The following ZDHHC21 variants were observed in gnomAD, a reference collection of about 807,000 sequenced individuals.
ZDHHC21 encodes palmitoyltransferase ZDHHC21.
Under a neutral mutation model 34.6 loss-of-function variants are expected in ZDHHC21, and 15 were observed. That is an observed-to-expected ratio of 0.43 (90% CI 0.29 to 0.67). The LOEUF is 0.67. Among genes scored for constraint, ZDHHC21 ranks in the 30% least tolerant of loss-of-function variants. ZDHHC21 has a pLI of 0.14. For missense variants in ZDHHC21, 344 were observed against 327.7 expected (o/e 1.05, Z -0.38); for synonymous variants, 142 against 101.8 (o/e 1.40, Z -2.38).
At chr9:14,604,726 TC>T in the ZDHHC21 span, among the ~76,000 whole-genome samples, 2 of 152,196 alleles carry the variant, frequency 1.3e-5, no homozygotes, top group Non-Finnish European at 2.9e-5. Context: ...ATGAGATCAA[TC>T]CTCTTAGTAA....
At chr9:14,662,949 G>A (rs866943778) in intron 5 of ZDHHC21, among the ~76,000 whole-genome samples, 2 of 152,140 alleles carry the variant, frequency 1.3e-5, no homozygotes, top group Non-Finnish European at 1.5e-5. Context: ...AGTGAAAAAT[G>A]TTATAAGACA....
chr9:14,657,474 A>C (rs1426372847), intron 7 of ZDHHC21, among the ~76,000 whole-genome samples: 2 of 150,368 alleles, frequency 1.3e-5, no homozygotes, highest in Non-Finnish European at 1.5e-5. Context: ...CTGTTTACAA[A>C]GACAAGATCT....
chr9:14,596,003 A>C, the ZDHHC21 span, among the ~76,000 whole-genome samples: 2 of 152,224 alleles, frequency 1.3e-5, no homozygotes, highest in African/African-American at 2.4e-5. Flanking sequence ...TGATCATGAA[A>C]AATTTGGTAG....
chr9:14,631,275 C>G (rs1415604133), intron 8 of ZDHHC21, among the ~76,000 whole-genome samples: 1 of 152,210 alleles, frequency 6.6e-6, no homozygotes, highest in Non-Finnish European at 1.5e-5. Flanking sequence ...GAAATGCCTT[C>G]TTTCCTTAAG....
chr9:14,663,814 A>T (rs1009228653), intron 5 of ZDHHC21, among the ~76,000 whole-genome samples: 1 of 152,254 alleles, frequency 6.6e-6, no homozygotes, highest in African/African-American at 2.4e-5. Flanking sequence ...AATGAAAATA[A>T]ATCATGCAAG....
At chr9:14,610,346 G>C (rs1008201562), downstream of ZDHHC21, among the ~76,000 whole-genome samples, 1 of 151,856 alleles carries the variant, frequency 6.6e-6, no homozygotes, top group African/African-American at 2.4e-5. Flanking sequence ...CAAGATTAAA[G>C]ATTTATAATC....
At chr9:14,651,389 T>C (rs974364323) in intron 7 of ZDHHC21, among the ~76,000 whole-genome samples, 5 of 151,878 alleles carry the variant, frequency 3.3e-5, no homozygotes, top group Non-Finnish European at 7.4e-5. Context: ...GGAGTTTGAA[T>C]AGGATTTAGT....
chr9:14,591,433 C>T, the ZDHHC21 span, among the ~76,000 whole-genome samples: 932 of 152,236 alleles, frequency 6.1e-3, 11 homozygotes, highest in African/African-American at 0.02. Context: ...ACTGAATCTG[C>T]TGGAGCCTTG....
chr9:14,647,596 T>C (rs904244905), intron 7 of ZDHHC21, among the ~76,000 whole-genome samples: 20 of 152,234 alleles, frequency 1.3e-4, no homozygotes, highest in Middle Eastern at 3.4e-3. Flanking sequence ...CCAACCACCA[T>C]GTCATTGGCT....
intron 3 of ZDHHC21, among the ~76,000 whole-genome samples, chr9:14,678,018 C>T (rs968267661): frequency 1.3e-5 from 2 of 152,166 alleles, no homozygotes; most frequent in Admixed American, 6.6e-5. Flanking sequence ...TTAGCCTAAG[C>T]GGTCCTGTTT....
the ZDHHC21 span, among the ~76,000 whole-genome samples, chr9:14,600,834 A>G: frequency 6.6e-6 from 1 of 152,248 alleles, no homozygotes; most frequent in Non-Finnish European, 1.5e-5. Flanking sequence ...CAGAGGCCTC[A>G]GAAACAACGC....
chr9:14,622,605 G>C (rs1234570948), intron 8 of ZDHHC21: 1 of 984,684 alleles, frequency 1.0e-6, no homozygotes, highest in African/African-American at 1.7e-5. Flanking sequence ...AACTCATCCT[G>C]TTTTGAGTTC....
intron 8 of ZDHHC21, among the ~76,000 whole-genome samples, chr9:14,629,509 A>C (rs184709469): frequency 4.5e-4 from 68 of 152,180 alleles, no homozygotes; most frequent in Non-Finnish European, 8.5e-4. Flanking sequence ...GGTAGCAAAA[A>C]TTTTTCGGTT....
chr9:14,691,553 G>C (rs897767747), intron 1 of ZDHHC21, among the ~76,000 whole-genome samples: 3 of 152,154 alleles, frequency 2.0e-5, no homozygotes, highest in Admixed American at 2.0e-4. Flanking sequence ...TTCCTGTTAA[G>C]CTGATTATAT....
chr9:14,652,992 T>C (rs944320598), intron 7 of ZDHHC21, among the ~76,000 whole-genome samples: 2 of 151,952 alleles, frequency 1.3e-5, no homozygotes, highest in African/African-American at 4.8e-5. Flanking sequence ...ACTACAGCTT[T>C]TGCTTCAGTC....
At chr9:14,630,723 A>G (rs901229492) in intron 8 of ZDHHC21, among the ~76,000 whole-genome samples, 26 of 152,244 alleles carry the variant, frequency 1.7e-4, no homozygotes, top group African/African-American at 6.0e-4. Context: ...TAAGGGGTGT[A>G]GCAGGCATGA....
At chr9:14,628,459 T>C (rs1458096359) in intron 8 of ZDHHC21, among the ~76,000 whole-genome samples, 3 of 152,196 alleles carry the variant, frequency 2.0e-5, no homozygotes, top group Admixed American at 6.5e-5. Context: ...ACAACACTTA[T>C]TTTGCTTGTT....
chr9:14,626,623 A>G (rs1316076150), intron 8 of ZDHHC21, among the ~76,000 whole-genome samples: 1 of 151,982 alleles, frequency 6.6e-6, no homozygotes, highest in African/African-American at 2.4e-5. Flanking sequence ...TCCACACACC[A>G]TAATTATCAA....
At chr9:14,594,592 C>T in the ZDHHC21 span, among the ~76,000 whole-genome samples, 1 of 152,008 alleles carries the variant, frequency 6.6e-6, no homozygotes, top group African/African-American at 2.4e-5. Flanking sequence ...AAATGTAAAA[C>T]CTAGAACTAT....
Sources: gnomAD v4.1 joint callset for allele counts (sites outside exome capture counted in the v4.1 genomes callset) on GRCh38, gnomAD v4.1.1 for gene constraint, MANE v1.5 for transcripts, NCBI Gene and HGNC (gene_info 2026-07-23, HGNC 2026-07-21) for gene names.